Variants in NUP214 observed in about 807,000 individuals in gnomAD.
NUP214 encodes the protein nuclear pore complex protein Nup214.
A neutral mutation model predicts 196.2 loss-of-function variants in NUP214; 79 were observed. The observed-to-expected ratio is 0.40, with a 90% confidence interval of 0.34 to 0.49. NUP214 has a LOEUF of 0.49. Among genes scored for constraint, NUP214 ranks in the 20% least tolerant of loss-of-function variants. The pLI is 0.58. For synonymous variants in NUP214, 1,020 were observed against 990.5 expected (o/e 1.03, Z -0.56); for missense variants, 2,468 against 2,539.0 (o/e 0.97, Z 0.60).
At chr9:131,183,542 G>A (rs891593384) in intron 24 of NUP214, among the ~76,000 whole-genome samples, 53 of 152,092 alleles carry the variant, frequency 3.5e-4, no homozygotes, top group African/African-American at 1.2e-3. Flanking sequence ...TGTTTCTTGA[G>A]GTTCATATCT....
chr9:131,133,278 A>C, intron 7 of NUP214, 69 bp downstream of exon 7: 1 of 748,410 alleles, frequency 1.3e-6, no homozygotes, highest in South Asian at 2.5e-5. Flanking sequence ...GGAGGCTTTG[A>C]TTTCAAGGGG....
intron 11 of NUP214, among the ~76,000 whole-genome samples, chr9:131,141,478 C>CTTTTTTT (rs3057295): frequency 4.7e-4 from 56 of 118,730 alleles, no homozygotes; most frequent in Non-Finnish European, 7.4e-4. Context: ...TGAAAAGAAA[C>CTTTTTTT]TTTTTTTTTT....
chr9:131,172,622 A>G lies in NUP214; in HGVS notation c.2894-1433A>G, dbSNP rs140151553. ...GTAGCTACTAGCCACATGTGGCTGT[A>G]GAGGACATGAAATGTGGATAGTGCA... On this transcript the variant is annotated intron_variant, in intron 21 of 35. Transcript: ENST00000359428. 6.5e-3 allele frequency among the ~76,000 whole-genome samples: 989 copies of G among 152,346 alleles called. 13 individuals are homozygous for G. Among genetic ancestry groups the G allele is most frequent in the African/African-American group, 0.023 (950 of 41,580 alleles).
intron 33 of NUP214, chr9:131,228,618 C>T (rs1452865000): frequency 3.3e-6 from 1 of 299,614 alleles, no homozygotes; most frequent in Admixed American, 5.3e-5. Context: ...AAGGAAGGCA[C>T]CAGCCCTGCC....
intron 9 of NUP214, 26 bp from the exon 10 acceptor site, chr9:131,139,255 C>CTTTTTTTTTTTTTTTTTTTTTTT: frequency 1.8e-6 from 2 of 1,090,526 alleles, no homozygotes; most frequent in Non-Finnish European, 2.3e-6. Context: ...TCTTCTTCTT[C>CTTTTTTTTTTTTTTTTTTTTTTT]TTTTTTTTTT....
intron 21 of NUP214, 122 bp from the exon 22 acceptor site, chr9:131,173,933 T>C (rs1034144004): frequency 6.2e-6 from 8 of 1,287,456 alleles, no homozygotes; most frequent in Admixed American, 4.7e-5. Context: ...CCACTTAAAA[T>C]AAGTAATAAT....
intron 7 of NUP214, among the ~76,000 whole-genome samples, chr9:131,134,023 T>A (rs1831640719): frequency 6.6e-6 from 1 of 152,218 alleles, no homozygotes; most frequent in Non-Finnish European, 1.5e-5. Context: ...CACAGCTCAC[T>A]ACAGCCTCAA....
In NUP214 at chr9:131,144,562, C is replaced by G. The variant is rs761198843; in HGVS notation, c.1577C>G (p.Ser526Cys). ...GPSTFSFVPP[S>C]KASLAPTPAA... ...TCAACCTTCTCTTTTGTTCCCCCTT[C>G]TAAAGCCTCCCTAGCCCCCACCCCT... The change falls in exon 12 of 36, where the codon TCT becomes TGT. Residue 526 changes from serine to cysteine, a missense_variant. Ser to Cys is a moderately radical substitution (Grantham distance 112). This residue lies in a region of NUP214 where 1,801 missense variants were observed against 1,779.4 expected (regional missense o/e 1.01). Transcript: ENST00000359428. The G allele has an allele frequency of 6.2e-7, 1 of 1,614,108 alleles. No individual in the cohort carries two copies. The highest frequency in any genetic ancestry group is 1.7e-5 in the Admixed American group (1 of 60,016).
In NUP214 at chr9:131,150,354, A is replaced by G. The variant is rs971626184; in HGVS notation, c.2071A>G (p.Lys691Glu). 11 of 1,614,070 alleles carry G rather than the reference A, an allele frequency of 6.8e-6. No individual in the cohort carries two copies. Among genetic ancestry groups the G allele is most frequent in the South Asian group, 4.4e-5 (4 of 91,094 alleles). Residue 691 changes from lysine (K) to glutamate (E), a missense_variant, in exon 15 of 36, where the codon AAG (lysine) becomes GAG (glutamate). Coordinates refer to ENST00000359428, the MANE Select transcript of NUP214 (RefSeq NM_005085.4). ...AKSLQPAVAEKQGHQWKDSDP... is the reference protein window; with the variant it reads ...AKSLQPAVAEEQGHQWKDSDP... ...GTCACTTCAGCCTGCTGTTGCAGAA[A>G]AGCAGGGACATCAGTGGAAAGATTC...
rs529969733 is a variant in NUP214 at position 131,177,680 on chromosome 9, T to C, written c.3320-631T>C. The stretch of plus-strand genomic sequence containing the variant: ...GCTTTGCTCAGGCTTCCTTAATTGC[T>C]AATTATAGAATGTCATTAAGTCTTT... On this transcript the variant is annotated intron_variant, in intron 23 of 35. Coordinates refer to ENST00000359428, the MANE Select transcript of NUP214 (RefSeq NM_005085.4). Among the ~76,000 whole-genome samples, 3 of 152,270 alleles carry C rather than the reference T, an allele frequency of 2.0e-5. No individual in the cohort carries two copies. In the South Asian group the frequency reaches 6.2e-4, roughly 32 times the overall value.
chr9:131,133,026 C>A, intron 6 of NUP214, 80 bp from the exon 7 acceptor site: 2 of 1,010,280 alleles, frequency 2.0e-6, no homozygotes, highest in African/African-American at 1.6e-5. Context: ...TCCATAGTGG[C>A]TATTCCAAAC....
intron 21 of NUP214, among the ~76,000 whole-genome samples, chr9:131,172,089 A>G (rs1832974578): frequency 6.6e-6 from 1 of 151,398 alleles, no homozygotes; most frequent in Non-Finnish European, 1.5e-5. Context: ...TGGCTGGGTC[A>G]AATGGTATTT....
chr9:131,228,078 T>C, intron 32 of NUP214, 82 bp from the exon 33 acceptor site: 1 of 1,344,074 alleles, frequency 7.4e-7, no homozygotes. Context: ...TTTGATTTGG[T>C]TTCTCATTGC....
At chr9:131,157,140 G>GTT (rs35205694) in intron 17 of NUP214, among the ~76,000 whole-genome samples, 305 of 147,466 alleles carry the variant, frequency 2.1e-3, no homozygotes, top group South Asian at 5.8e-3. Flanking sequence ...GTTTAGCTCT[G>GTT]TTTTTTTTTT....
chr9:131,182,415 A>G (rs1833306618), intron 24 of NUP214, among the ~76,000 whole-genome samples: 1 of 152,252 alleles, frequency 6.6e-6, no homozygotes, highest in Non-Finnish European at 1.5e-5. Context: ...TCATAGGAGC[A>G]TGAACCCTAT....
intron 34 of NUP214, 50 bp downstream of exon 34, chr9:131,230,819 C>T (rs1035783554): frequency 5.3e-5 from 84 of 1,580,524 alleles, no homozygotes; most frequent in Non-Finnish European, 6.6e-5. Context: ...TCCCTCTTGC[C>T]TTCTCCCCCA....
chr9:131,203,095 A>G (rs1833984111), intron 30 of NUP214, among the ~76,000 whole-genome samples: 1 of 151,276 alleles, frequency 6.6e-6, no homozygotes, highest in African/African-American at 2.4e-5. Context: ...ACAGGTGCCC[A>G]CCACCGCACC....
chr9:131,140,111 A>G (rs1482226857), intron 10 of NUP214, among the ~76,000 whole-genome samples: 1 of 152,154 alleles, frequency 6.6e-6, no homozygotes. Context: ...GTGAATGAGG[A>G]TAAAGTGGTT....
chr9:131,199,195 A>G (rs1184925417), intron 29 of NUP214, among the ~76,000 whole-genome samples, 180 bp downstream of exon 29: 1 of 152,218 alleles, frequency 6.6e-6, no homozygotes, highest in East Asian at 1.9e-4. Flanking sequence ...AATTGGCTGG[A>G]TCTGTTACAG....
Sources: gnomAD v4.1 joint callset for allele counts (sites outside exome capture counted in the v4.1 genomes callset) on GRCh38, gnomAD v4.1.1 for gene constraint, gnomAD v4.1.1 regional missense constraint, MANE v1.5 for transcripts, NCBI Gene and HGNC (gene_info 2026-07-23, HGNC 2026-07-21) for gene names.